HDGFL3: variants seen among roughly 807,000 people sequenced by gnomAD.
HDGFL3 encodes the protein HDGF like 3.
A neutral mutation model predicts 27.6 loss-of-function variants in HDGFL3; 6 were observed. The ratio of observed to expected loss-of-function variants is 0.22; its 90% CI spans 0.12 to 0.43. HDGFL3 has a LOEUF of 0.43. HDGFL3 is among the 20% of genes least tolerant of loss of function. The pLI, the probability that HDGFL3 is intolerant of heterozygous loss-of-function variation, is 1.00. For missense variants in HDGFL3, 207 were observed against 250.1 expected (o/e 0.83, Z 1.16); for synonymous variants, 88 against 88.9 (o/e 0.99, Z 0.05).
intron 4 of HDGFL3, among the ~76,000 whole-genome samples, chr15:83,152,633 G>A (rs1472266671): frequency 6.6e-6 from 1 of 150,848 alleles, no homozygotes; most frequent in African/African-American, 2.4e-5. Context: ...CCTGGGAGGT[G>A]GAGGTTGCAG....
intron 5 of HDGFL3, among the ~76,000 whole-genome samples, chr15:83,140,481 GT>G (rs11429826): frequency 1.8e-4 from 24 of 135,748 alleles, no homozygotes; most frequent in Admixed American, 3.1e-4. Flanking sequence ...ACCAAAGAAA[GT>G]TTTTTTTTTT....
intron 1 of HDGFL3, among the ~76,000 whole-genome samples, chr15:83,203,344 G>T (rs1202897095): frequency 2.6e-5 from 4 of 151,952 alleles, no homozygotes; most frequent in Non-Finnish European, 1.5e-5. Flanking sequence ...TTATATGCAA[G>T]TTGACACTAT....
At chr15:83,154,373 A>T (rs2037003145) in intron 4 of HDGFL3, among the ~76,000 whole-genome samples, 1 of 151,648 alleles carries the variant, frequency 6.6e-6, no homozygotes, top group South Asian at 2.1e-4. Context: ...AAATCACCAT[A>T]TTTGTTTTTT....
chr15:83,120,843 G>A (rs1268415422), intron 3 of HDGFL3, among the ~76,000 whole-genome samples: 1 of 151,642 alleles, frequency 6.6e-6, no homozygotes, highest in Non-Finnish European at 1.5e-5. Flanking sequence ...TGGGATTACA[G>A]GCGTGAACCA....
chr15:83,125,268 C>A (rs919921153), downstream of HDGFL3, among the ~76,000 whole-genome samples: 2 of 152,134 alleles, frequency 1.3e-5, no homozygotes, highest in Non-Finnish European at 2.9e-5. Flanking sequence ...ATTCATCTCA[C>A]GCCTGGAGTC....
chr15:83,171,275 T>C (rs2037243706), intron 1 of HDGFL3, among the ~76,000 whole-genome samples: 1 of 143,174 alleles, frequency 7.0e-6, no homozygotes. Flanking sequence ...GAAAAAACAA[T>C]GTTCACACAC....
downstream of HDGFL3, among the ~76,000 whole-genome samples, chr15:83,126,394 T>C (rs1265855171): frequency 2.6e-5 from 4 of 152,228 alleles, no homozygotes; most frequent in Non-Finnish European, 5.9e-5. Flanking sequence ...GAATTTGGTG[T>C]AGAAATATAC....
At chr15:83,150,396 G>A (rs1381201182) in intron 5 of HDGFL3, among the ~76,000 whole-genome samples, 1 of 152,164 alleles carries the variant, frequency 6.6e-6, no homozygotes, top group Non-Finnish European at 1.5e-5. Flanking sequence ...AAGATAAGCA[G>A]AGGATAGAGT....
At chr15:83,171,250 T>C (rs2037243443) in intron 1 of HDGFL3, among the ~76,000 whole-genome samples, 1 of 138,676 alleles carries the variant, frequency 7.2e-6, no homozygotes, top group East Asian at 2.3e-4. Flanking sequence ...ACAATGGATG[T>C]TTCATGAGGT....
intron 1 of HDGFL3, among the ~76,000 whole-genome samples, chr15:83,187,326 G>T (rs1309826892): frequency 6.7e-6 from 1 of 148,420 alleles, no homozygotes; most frequent in Non-Finnish European, 1.5e-5. Flanking sequence ...TGTTACACGG[G>T]CAGAGTTTTT....
chr15:83,144,879 G>A (rs2036858543), intron 5 of HDGFL3: 1 of 287,942 alleles, frequency 3.5e-6, no homozygotes, highest in Non-Finnish European at 6.8e-6. Flanking sequence ...CATGGCAATA[G>A]ATAACTAATA....
At chr15:83,198,091 A>C (rs79923279) in intron 1 of HDGFL3, among the ~76,000 whole-genome samples, 3,151 of 148,988 alleles carry the variant, frequency 0.021, 125 homozygotes, top group African/African-American at 0.074. Flanking sequence ...AATTAATTAT[A>C]TATATAGTTG....
intron 1 of HDGFL3, among the ~76,000 whole-genome samples, chr15:83,193,440 G>A (rs1156899275): frequency 2.6e-5 from 4 of 152,118 alleles, no homozygotes; most frequent in Non-Finnish European, 4.4e-5. Context: ...AAGCATCGGC[G>A]AGGAAGTAAA....
At chr15:83,196,075 G>T (rs1388510551) in intron 1 of HDGFL3, among the ~76,000 whole-genome samples, 1 of 151,850 alleles carries the variant, frequency 6.6e-6, no homozygotes, top group Non-Finnish European at 1.5e-5. Context: ...AAAAGGGACA[G>T]ATATGTAGAA....
At chr15:83,195,172 C>T (rs11259968) in intron 1 of HDGFL3, among the ~76,000 whole-genome samples, 37,831 of 152,016 alleles carry the variant, frequency 0.25, 5,040 homozygotes, top group African/African-American at 0.34. Context: ...TCAGTTTTGG[C>T]TCATTCTTGT....
chr15:83,124,030 T>G (rs2035505937), downstream of HDGFL3, among the ~76,000 whole-genome samples: 1 of 152,182 alleles, frequency 6.6e-6, no homozygotes, highest in African/African-American at 2.4e-5. Context: ...CACCAAAGAT[T>G]TACAAAGTTG....
chr15:83,193,830 T>C (rs1393168310), intron 1 of HDGFL3, among the ~76,000 whole-genome samples: 1 of 152,218 alleles, frequency 6.6e-6, no homozygotes, highest in Non-Finnish European at 1.5e-5. Flanking sequence ...GCCCCTGAAC[T>C]GCTACTCTGG....
intron 1 of HDGFL3, among the ~76,000 whole-genome samples, chr15:83,178,473 C>T (rs1470646306): frequency 3.3e-5 from 5 of 152,082 alleles, no homozygotes; most frequent in South Asian, 2.1e-4. Context: ...GCTTCTACCC[C>T]GGGCAACACA....
intron 4 of HDGFL3, among the ~76,000 whole-genome samples, chr15:83,152,990 C>CTTT (rs920789734): frequency 5.3e-5 from 6 of 113,244 alleles, no homozygotes; most frequent in Non-Finnish European, 9.5e-5. Context: ...ATACGCAGTT[C>CTTT]TTTTTTTTTT....
Sources: allele counts gnomAD v4.1 joint callset (sites outside exome capture counted in the v4.1 genomes callset), GRCh38; gene constraint gnomAD v4.1.1; transcripts MANE v1.5; gene names NCBI Gene and HGNC (gene_info 2026-07-23, HGNC 2026-07-21).